The following SYN2 variants were observed in gnomAD, a reference collection of about 807,000 sequenced individuals.
SYN2 encodes synapsin-2.
A neutral mutation model predicts 50.9 loss-of-function variants in SYN2; 19 were observed. The ratio of observed to expected loss-of-function variants is 0.37; its 90% CI spans 0.26 to 0.55. The LOEUF (loss-of-function observed/expected upper bound fraction) is 0.55. SYN2 is among the 20% of genes least tolerant of loss of function. SYN2 has a pLI of 0.81. For synonymous variants in SYN2, 255 were observed against 224.9 expected, an observed-to-expected ratio of 1.13 and a Z score of -1.20; for missense variants, 587 against 576.4, an observed-to-expected ratio of 1.02 and a Z score of -0.19.
intron 1 of SYN2, among the ~76,000 whole-genome samples, chr3:12,109,397 T>C (rs1397328217): frequency 6.6e-6 from 1 of 152,232 alleles, no homozygotes; most frequent in Non-Finnish European, 1.5e-5. Flanking sequence ...TATTATAATA[T>C]TGCATTCATC....
At chr3:12,174,670 CG>C (rs1698020821) in intron 10 of SYN2, among the ~76,000 whole-genome samples, 1 of 152,090 alleles carries the variant, frequency 6.6e-6, no homozygotes, top group Admixed American at 6.5e-5. Flanking sequence ...TTAGTAGAGA[CG>C]GGATTTCACC....
intron 5 of SYN2, among the ~76,000 whole-genome samples, chr3:12,159,548 C>T (rs1233530525): frequency 1.3e-5 from 2 of 152,130 alleles, no homozygotes; most frequent in African/African-American, 4.8e-5. Context: ...GCTTTAGAAA[C>T]CCTTTCTCAC....
chr3:12,163,163 A>T (rs1255748559), intron 7 of SYN2, among the ~76,000 whole-genome samples: 1 of 147,554 alleles, frequency 6.8e-6, no homozygotes, highest in Non-Finnish European at 1.5e-5. Flanking sequence ...AATGGCATGA[A>T]CCCGGAAGGC....
At chr3:12,039,277 A>T (rs1005987227) in intron 1 of SYN2, among the ~76,000 whole-genome samples, 1 of 152,086 alleles carries the variant, frequency 6.6e-6, no homozygotes, top group South Asian at 2.1e-4. Context: ...ATAATCCTTT[A>T]TCTATTGCTA....
chr3:12,162,671 C>G (rs541079879), intron 7 of SYN2, among the ~76,000 whole-genome samples: 2 of 152,254 alleles, frequency 1.3e-5, no homozygotes, highest in South Asian at 4.1e-4. Flanking sequence ...ATATTGTGTT[C>G]ATTGGAAGGA....
intron 7 of SYN2, among the ~76,000 whole-genome samples, chr3:12,166,332 A>C (rs1697796430): frequency 6.6e-6 from 1 of 152,238 alleles, no homozygotes; most frequent in Non-Finnish European, 1.5e-5. Context: ...ATAATTAAAA[A>C]GACATATTTT....
chr3:12,064,762 C>T lies in SYN2; in HGVS notation c.377+59834C>T, dbSNP rs115246697. Reference sequence around the variant, plus strand: ...GTGAGGATGTGGAGAAATTGGAACCCTTATACATGGATGGTGGAAATGTGA... The same window carrying T: ...GTGAGGATGTGGAGAAATTGGAACCTTTATACATGGATGGTGGAAATGTGA... On this transcript the variant is annotated intron_variant, in intron 1 of 12. Transcript: ENST00000621198. Among the ~76,000 whole-genome samples the T allele has an allele frequency of 7.0e-3, 1,063 of 152,152 alleles. 7 individuals are homozygous for T. The highest frequency in any genetic ancestry group is 9.6e-3 in the Non-Finnish European group (654 of 67,966).
intron 4 of SYN2, among the ~76,000 whole-genome samples, chr3:12,146,977 G>T (rs149981894): frequency 6.6e-6 from 1 of 152,102 alleles, no homozygotes. Flanking sequence ...GGAAAGTGAG[G>T]CCCCCTTCCC....
chr3:12,070,588 A>C, intron 1 of SYN2: 2 of 1,359,458 alleles, frequency 1.5e-6, no homozygotes, highest in East Asian at 3.7e-5. Flanking sequence ...AACAGAGAGA[A>C]GATGACCCAG....
chr3:12,149,096 C>T (rs1222202765), intron 4 of SYN2, among the ~76,000 whole-genome samples: 1 of 152,166 alleles, frequency 6.6e-6, no homozygotes, highest in African/African-American at 2.4e-5. Context: ...AGCCTGGGAA[C>T]TGGCTGCCAT....
intron 3 of SYN2, among the ~76,000 whole-genome samples, chr3:12,143,276 C>T (rs1697069538): frequency 6.6e-6 from 1 of 152,014 alleles, no homozygotes; most frequent in Admixed American, 6.6e-5. Flanking sequence ...TAACAGATGC[C>T]ATATTTCTGT....
chr3:12,174,629 G>A (rs1698019172), intron 10 of SYN2, among the ~76,000 whole-genome samples: 1 of 152,070 alleles, frequency 6.6e-6, no homozygotes, highest in Admixed American at 6.5e-5. Context: ...TTACAGGCAC[G>A]CGCCACCACG....
At chr3:12,103,935 T>A (rs1183998764) in intron 1 of SYN2, among the ~76,000 whole-genome samples, 11 of 152,092 alleles carry the variant, frequency 7.2e-5, no homozygotes, top group Admixed American at 7.2e-4. Flanking sequence ...AAATGGAATT[T>A]TAAAATAATC....
chr3:12,081,034 C>T (rs962598608), intron 1 of SYN2, among the ~76,000 whole-genome samples: 5 of 152,126 alleles, frequency 3.3e-5, no homozygotes, highest in Non-Finnish European at 5.9e-5. Context: ...AATGTATTTT[C>T]ACTGATGAGA....
intron 1 of SYN2, among the ~76,000 whole-genome samples, chr3:12,014,283 T>C (rs1395230195): frequency 6.6e-6 from 1 of 151,814 alleles, no homozygotes; most frequent in East Asian, 1.9e-4. Flanking sequence ...AGCAAGAGAG[T>C]CAAAGGATGA....
intron 1 of SYN2, among the ~76,000 whole-genome samples, chr3:12,029,926 T>C (rs13073209): frequency 0.58 from 15,215 of 26,324 alleles, 4,209 homozygotes; most frequent in East Asian, 0.84. Flanking sequence ...TGAATAGGAG[T>C]GGTGAGAGAG....
rs1413806872 is a variant in SYN2, at chr3:12,161,856, C to T, written c.838-156C>T. 1.1e-5 allele frequency: 13 copies of T among 1,154,970 alleles called. No individual in the cohort carries two copies. The East Asian group carries it at 3.3e-4, about 30-fold the overall frequency. The allele number at this position is 1,154,970 out of a possible 1,614,324, so 71.5% of individuals were successfully genotyped here. On this transcript the variant is annotated intron_variant, in intron 6 of 12. Coordinates refer to ENST00000621198, the MANE Select transcript of SYN2 (RefSeq NM_133625.6). ...GGCCCTTGAGTTCTGGGAAGGGAAG[C>T]TAGGGAGAAGGGGCCTCCTGGGGAG...
At chr3:12,024,159 T>G in intron 1 of SYN2, among the ~76,000 whole-genome samples, 1 of 132,340 alleles carries the variant, frequency 7.6e-6, no homozygotes, top group Non-Finnish European at 1.6e-5. Flanking sequence ...CTTTTTTTTT[T>G]TTTTTTTTTT....
At chr3:12,100,305 A>G (rs1180696881) in intron 1 of SYN2, among the ~76,000 whole-genome samples, 1 of 152,218 alleles carries the variant, frequency 6.6e-6, no homozygotes, top group Admixed American at 6.5e-5. Context: ...AGATTAAAGA[A>G]ATAGAATTGA....
Sources: gnomAD v4.1 joint callset for allele counts (sites outside exome capture counted in the v4.1 genomes callset) on GRCh38, gnomAD v4.1.1 for gene constraint, MANE v1.5 for transcripts, NCBI Gene and HGNC (gene_info 2026-07-23, HGNC 2026-07-21) for gene names.